SELENOI: variants seen among roughly 807,000 people sequenced by gnomAD.
SELENOI encodes the protein selenoprotein I, also known as ethanolaminephosphotransferase 1.
In SELENOI, 24 loss-of-function variants were observed where a neutral mutation model predicts 50.7. That is an observed-to-expected ratio of 0.47 (90% CI 0.34 to 0.67). The LOEUF (loss-of-function observed/expected upper bound fraction) is 0.67, where lower values mean the gene tolerates loss of function less well. SELENOI is among the 30% of genes least tolerant of loss of function. The pLI is 0.01. For synonymous variants in SELENOI, 155 were observed against 170.2 expected (o/e 0.91, Z 0.70); for missense variants, 352 against 461.4 (o/e 0.76, Z 2.17).
At position 26,389,097 on chromosome 2, in the gene SELENOI, C is replaced by A. The variant is rs368502878; in HGVS notation, c.1188C>A (p.Gly396=). 14 of 1,565,732 alleles carry A rather than the reference C, an allele frequency of 8.9e-6. No individual in the cohort carries two copies. Among genetic ancestry groups the A allele is most frequent in the Non-Finnish European group, 1.1e-5 (13 of 1,151,968 alleles). ...TAGGAATGGAAGAAAAGAATATTGG[C>A]CTGTAATAATCTTTCTTTGGGCACA... ...DULGMEEKNI[G]L The change falls in exon 10 of 10, where the codon GGC becomes GGA. Residue 396 remains glycine, a synonymous_variant. Transcript: ENST00000260585.
At chr2:26,369,782 C>G (rs546045264) in intron 4 of SELENOI, among the ~76,000 whole-genome samples, 2 of 152,216 alleles carry the variant, frequency 1.3e-5, no homozygotes, top group Admixed American at 6.5e-5. Flanking sequence ...ACATGCTAGT[C>G]TCTAGTCAAA....
intron 1 of SELENOI, among the ~76,000 whole-genome samples, chr2:26,363,036 C>T (rs1677214995): frequency 6.6e-6 from 1 of 152,090 alleles, no homozygotes; most frequent in South Asian, 2.1e-4. Flanking sequence ...CCTTTACATT[C>T]TTATTAAATA....
chr2:26,348,376 A>T (rs1291658017), intron 1 of SELENOI, among the ~76,000 whole-genome samples: 1 of 152,240 alleles, frequency 6.6e-6, no homozygotes, highest in African/African-American at 2.4e-5. Flanking sequence ...TGGAAAAATT[A>T]CTTTTGAAGT....
At chr2:26,383,036 A>G (rs865899683) in intron 6 of SELENOI, among the ~76,000 whole-genome samples, 19 of 152,246 alleles carry the variant, frequency 1.2e-4, no homozygotes, top group African/African-American at 4.1e-4. Context: ...TAAAACACCA[A>G]TTTGCCTGAA....
chr2:26,379,555 G>C (rs186244823), intron 6 of SELENOI, among the ~76,000 whole-genome samples: 258 of 152,126 alleles, frequency 1.7e-3, no homozygotes, highest in Non-Finnish European at 3.0e-3. Flanking sequence ...CACATTAGGA[G>C]GCATGTAGCG....
chr2:26,386,001 G>A (rs1206170320), intron 8 of SELENOI, among the ~76,000 whole-genome samples: 1 of 152,074 alleles, frequency 6.6e-6, no homozygotes, highest in Admixed American at 6.5e-5. Flanking sequence ...TAATTGTGTG[G>A]GGGTGTGGGA....
At position 26,384,615 on chromosome 2, in the gene SELENOI, A is replaced by G. The variant is rs1353431573; in HGVS notation, c.732-344A>G. ...ATTTTATGTTCATCTTATTTACCCC[A>G]TTAGAATATCTCATAGAACAAAGTC... On this transcript the variant is annotated intron_variant, in intron 7 of 9. Transcript: ENST00000260585. Among the ~76,000 whole-genome samples the G allele has an allele frequency of 3.3e-5, 5 of 152,190 alleles. No homozygotes were observed. The East Asian group carries it at 9.6e-4, about 29-fold the overall frequency.
At chr2:26,370,091 T>A (rs1393054787) in intron 4 of SELENOI, among the ~76,000 whole-genome samples, 1 of 151,074 alleles carries the variant, frequency 6.6e-6, no homozygotes, top group Non-Finnish European at 1.5e-5. Flanking sequence ...AAGCATCTGT[T>A]TAACAAAGCA....
chr2:26,372,496 A>G (rs746400146), intron 4 of SELENOI, among the ~76,000 whole-genome samples: 3 of 152,172 alleles, frequency 2.0e-5, no homozygotes, highest in Non-Finnish European at 4.4e-5. Context: ...ATAGTGCATT[A>G]GTTTCAGTAA....
intron 3 of SELENOI, 118 bp from the exon 4 acceptor site, chr2:26,367,028 T>C (rs1677298562): frequency 1.2e-6 from 1 of 846,824 alleles, no homozygotes; most frequent in Non-Finnish European, 1.7e-6. Context: ...TCAAAATATA[T>C]TGTAAAGTAC....
At chr2:26,349,110 C>T (rs1224386644) in intron 1 of SELENOI, among the ~76,000 whole-genome samples, 2 of 136,308 alleles carry the variant, frequency 1.5e-5, no homozygotes, top group Admixed American at 8.0e-5. Context: ...CCGCCTCCTG[C>T]GTTCAAGCGA....
chr2:26,367,347 A>T, intron 4 of SELENOI, 127 bp downstream of exon 4: 1 of 648,564 alleles, frequency 1.5e-6, no homozygotes, highest in East Asian at 3.5e-5. Flanking sequence ...ATCCTGTTCA[A>T]ATTGATAAAT....
intron 1 of SELENOI, among the ~76,000 whole-genome samples, chr2:26,359,945 C>A (rs1677140799): frequency 6.6e-6 from 1 of 152,114 alleles, no homozygotes; most frequent in Non-Finnish European, 1.5e-5. Flanking sequence ...ACGAGTCTAT[C>A]AAACCCAGCC....
chr2:26,356,266 T>C (rs1677063441), intron 1 of SELENOI, among the ~76,000 whole-genome samples: 1 of 152,144 alleles, frequency 6.6e-6, no homozygotes, highest in South Asian at 2.1e-4. Flanking sequence ...CAGGTGATCC[T>C]CCCACTTCAG....
At chr2:26,369,342 G>T (rs1187944997) in intron 4 of SELENOI, among the ~76,000 whole-genome samples, 1 of 152,076 alleles carries the variant, frequency 6.6e-6, no homozygotes, top group Non-Finnish European at 1.5e-5. Flanking sequence ...TTACCATGTG[G>T]ATATCTCACT....
Position 26,383,280 on chromosome 2 carries a change from G to A in SELENOI, c.683-19G>A. ...TTGCTCTTGAATAAGCATAATAATTGAATAATTATTCCCTTTAGGTTGTGC... is the reference window on the plus strand; with the variant it reads ...TTGCTCTTGAATAAGCATAATAATTAAATAATTATTCCCTTTAGGTTGTGC... On this transcript the variant is annotated intron_variant, in intron 6 of 9. Transcript: ENST00000260585. 6.7e-7 allele frequency: 1 copy of A among 1,497,172 alleles called. No individual in the cohort carries two copies. The highest frequency in any genetic ancestry group is 9.0e-7 in the Non-Finnish European group (1 of 1,108,378). The allele number at this position is 1,497,172 out of a possible 1,614,324, so 92.7% of individuals were successfully genotyped here.
chr2:26,348,996 CT>C (rs869073468), intron 1 of SELENOI, among the ~76,000 whole-genome samples: 25 of 57,690 alleles, frequency 4.3e-4, no homozygotes, highest in African/African-American at 1.2e-3. Context: ...TTTGGACAGG[CT>C]TTTTTTTTTT....
chr2:26,382,488 T>C (rs1189801648), intron 6 of SELENOI, among the ~76,000 whole-genome samples: 1 of 152,220 alleles, frequency 6.6e-6, no homozygotes, highest in Non-Finnish European at 1.5e-5. Context: ...AAGAGTATAA[T>C]TTCTGCAAAG....
At chr2:26,351,998 G>A (rs149933295) in intron 1 of SELENOI, among the ~76,000 whole-genome samples, 1 of 152,082 alleles carries the variant, frequency 6.6e-6, no homozygotes, top group Non-Finnish European at 1.5e-5. Context: ...AAAATTAGCC[G>A]GGTGTTATGG....
Sources: gnomAD v4.1 joint callset for allele counts (sites outside exome capture counted in the v4.1 genomes callset) on GRCh38, gnomAD v4.1.1 for gene constraint, MANE v1.5 for transcripts, NCBI Gene and HGNC (gene_info 2026-07-23, HGNC 2026-07-21) for gene names.